Variants in SATB2 observed in about 807,000 individuals in gnomAD.
The protein encoded by SATB2 is SATB homeobox 2.
In SATB2, 1 loss-of-function variant was observed where a neutral mutation model predicts 73.4. The observed-to-expected ratio is 0.01, with a 90% CI of 0.00 to 0.06. The LOEUF (loss-of-function observed/expected upper bound fraction) is 0.06, where lower values mean the gene tolerates loss of function less well. Among genes scored for constraint, SATB2 ranks in the 10% least tolerant of loss-of-function variants. The pLI is 1.00. For missense variants in SATB2, 459 were observed against 945.8 expected (o/e 0.49, Z 6.75); for synonymous variants, 397 against 367.0 (o/e 1.08, Z -0.93).
chr2:199,323,777 A>G, intron 9 of SATB2, 26 bp downstream of exon 9: 1 of 1,612,038 alleles, frequency 6.2e-7, no homozygotes, highest in Admixed American at 1.7e-5. Flanking sequence ...CCAGCCCTCG[A>G]TTTTGCTTTT....
chr2:199,291,438 T>C (rs1692854722), intron 10 of SATB2, among the ~76,000 whole-genome samples: 1 of 152,244 alleles, frequency 6.6e-6, no homozygotes, highest in Non-Finnish European at 1.5e-5. Flanking sequence ...ATTTCATTTA[T>C]ACTTGCAGAA....
Position 199,308,278 on chromosome 2 carries a change from C to G in SATB2, c.1740+482G>C, listed in dbSNP as rs1014456472. ...ATTCTAAGAATCTGTCACAATCTGT[C>G]TCTCAAGGTTCAGCTGAGTTCAATG... is the stretch of plus-strand genomic sequence containing the variant. On this transcript the variant is annotated intron_variant, in intron 10 of 10. Transcript: ENST00000417098. The surrounding 1 kb of genome is among the most constrained non-coding windows in gnomAD (Gnocchi z 4.6). 1.4e-4 allele frequency among the ~76,000 whole-genome samples: 22 copies of G among 152,172 alleles called. No homozygotes were observed. The East Asian group carries it at 3.9e-3, about 27-fold the overall frequency.
chr2:199,443,166 T>A (rs1219201465), intron 2 of SATB2, among the ~76,000 whole-genome samples: 1 of 151,512 alleles, frequency 6.6e-6, no homozygotes, highest in African/African-American at 2.4e-5. Flanking sequence ...AAAAAAGGAG[T>A]CAATGAAAAT....
At chr2:199,382,723 C>A (rs905222864) in intron 3 of SATB2, among the ~76,000 whole-genome samples, 4 of 152,082 alleles carry the variant, frequency 2.6e-5, no homozygotes, top group African/African-American at 9.7e-5. Flanking sequence ...ACCCATTTCA[C>A]ATATGACACA....
chr2:199,347,863 A>G (rs932258693), intron 7 of SATB2: 4 of 152,148 alleles, frequency 2.6e-5, no homozygotes, highest in Non-Finnish European at 5.9e-5. Flanking sequence ...GTTTTTCTCA[A>G]CATGCGGCCC....
At chr2:199,279,186 C>A (rs956475803) in intron 10 of SATB2, among the ~76,000 whole-genome samples, 6 of 152,168 alleles carry the variant, frequency 3.9e-5, no homozygotes, top group South Asian at 2.1e-4. Flanking sequence ...ACATTAACTG[C>A]AAATGAAACC....
intron 7 of SATB2, among the ~76,000 whole-genome samples, chr2:199,341,014 T>C (rs1459329817): frequency 6.6e-6 from 1 of 152,218 alleles, no homozygotes; most frequent in Non-Finnish European, 1.5e-5. Context: ...TATGAAATCA[T>C]GCTTATTATA....
At position 199,457,144 on chromosome 2, in the gene SATB2, G is replaced by C. The variant is rs1161358585; in HGVS notation, c.-60+195C>G. 6.6e-6 allele frequency among the ~76,000 whole-genome samples: 1 copy of C among 152,230 alleles called. No homozygotes were observed. The highest frequency in any genetic ancestry group is 1.5e-5 in the Non-Finnish European group (1 of 68,030). ...GCGCCACGGGTCAAGGAGACAAGGT[G>C]GGGGTGGCAGGGGGAGGTGAAAGGA... On this transcript the variant is annotated intron_variant, in intron 1 of 10. Transcript: ENST00000417098. This position sits in a 1 kb window ranked among gnomAD's most constrained non-coding sequence, Gnocchi z 4.8.
chr2:199,455,833 CCG>C lies in SATB2; in HGVS notation c.169+34_169+35del. ...TGACACCCGGGCCATTATCACTGGG[CCG>C]CGGGCTGCGCGCCTCCCTGCTCCGG... On this transcript the variant is annotated intron_variant, in intron 2 of 10. Transcript: ENST00000417098. This position sits in a 1 kb window ranked among gnomAD's most constrained non-coding sequence, Gnocchi z 4.1. 1.3e-6 allele frequency: 2 copies of C among 1,533,440 alleles called. No homozygotes were observed. Among genetic ancestry groups the C allele is most frequent in the Non-Finnish European group, 1.7e-6 (2 of 1,145,814 alleles). The allele number at this position is 1,533,440 out of a possible 1,614,324, so 95.0% of individuals were successfully genotyped here.
rs767084945 is a variant in SATB2 at position 199,380,461 on chromosome 2, G to A, written c.500C>T (p.Ala167Val). ...QSCSKLEDLP[A>V]EQWNHATVRN... The stretch of plus-strand genomic sequence containing the variant: ...GACTGTGGCATGGTTCCACTGCTCC[G>A]CAGGCAAGTCTTCCAACTTTGAACA... The change falls in exon 5 of 11, where the codon GCG (alanine) becomes GTG (valine). Residue 167 changes from alanine to valine, a missense_variant. By Grantham distance (64) the Ala-to-Val change is moderately conservative. Around this residue, in one of 13 missense-constraint regions of SATB2, gnomAD observed 56 missense variants for 183.7 expected, o/e 0.30. Coordinates refer to ENST00000417098, the MANE Select transcript of SATB2 (RefSeq NM_001172509.2). 2.2e-5 allele frequency: 36 copies of A among 1,613,600 alleles called. No homozygotes were observed. Among genetic ancestry groups the A allele is most frequent in the African/African-American group, 1.3e-5 (1 of 74,918 alleles).
intron 3 of SATB2, among the ~76,000 whole-genome samples, chr2:199,409,248 C>G (rs1319350054): frequency 1.4e-5 from 2 of 147,624 alleles, no homozygotes; most frequent in Admixed American, 7.0e-5. Flanking sequence ...CAGCTCACCA[C>G]AACCTCCGCC....
intron 3 of SATB2, among the ~76,000 whole-genome samples, chr2:199,418,191 C>G (rs1691052082): frequency 6.6e-6 from 1 of 152,066 alleles, no homozygotes; most frequent in Non-Finnish European, 1.5e-5. Context: ...TAATTACTAC[C>G]CTGATTTCAT....
chr2:199,419,446 A>C (rs1691098575), intron 3 of SATB2, among the ~76,000 whole-genome samples: 1 of 152,250 alleles, frequency 6.6e-6, no homozygotes, highest in Admixed American at 6.5e-5. Context: ...CTAAGGAGTA[A>C]GTTTATGCTA....
rs550495884 is a variant in SATB2 at position 199,400,039 on chromosome 2, G to A, written c.347-18219C>T. Among the ~76,000 whole-genome samples the A allele has an allele frequency of 2.6e-5, 4 of 152,284 alleles. No homozygotes were observed. The East Asian group carries it at 7.7e-4, about 29-fold the overall frequency. ...TCCAAAACTCATATTATCTTCCTCAGAACAAGGTACTTCTTATCCTCTGGA... is the reference window on the plus strand; with the variant it reads ...TCCAAAACTCATATTATCTTCCTCAAAACAAGGTACTTCTTATCCTCTGGA... On this transcript the variant is annotated intron_variant, in intron 3 of 10. Coordinates refer to ENST00000417098, the MANE Select transcript of SATB2 (RefSeq NM_001172509.2).
chr2:199,419,101 CCA>C (rs1378009124), intron 3 of SATB2, among the ~76,000 whole-genome samples: 3 of 152,142 alleles, frequency 2.0e-5, no homozygotes, highest in Non-Finnish European at 2.9e-5. Flanking sequence ...TATTTTGGTT[CCA>C]CACATTTCAA....
intron 2 of SATB2, among the ~76,000 whole-genome samples, chr2:199,450,219 A>C (rs918837569): frequency 6.6e-6 from 1 of 152,108 alleles, no homozygotes; most frequent in Non-Finnish European, 1.5e-5. Context: ...GTATTATATC[A>C]CTGCAAATTG....
chr2:199,324,035 G>A, intron 8 of SATB2, 77 bp from the exon 9 acceptor site: 1 of 1,526,234 alleles, frequency 6.6e-7, no homozygotes, highest in Non-Finnish European at 9.1e-7. Flanking sequence ...ATTATCAAAG[G>A]ATTTCAGTCA....
chr2:199,309,594 A>T (rs1559154460), intron 9 of SATB2, among the ~76,000 whole-genome samples: 2 of 152,224 alleles, frequency 1.3e-5, no homozygotes, highest in Non-Finnish European at 2.9e-5. Context: ...TCACACCTGC[A>T]AATGTCTGCT....
At chr2:199,465,427 T>C (rs1692574851), upstream of SATB2, among the ~76,000 whole-genome samples, 2 of 152,268 alleles carry the variant, frequency 1.3e-5, no homozygotes, top group African/African-American at 2.4e-5. Flanking sequence ...TAATTAACTT[T>C]CATTACATTC....
Sources: allele counts gnomAD v4.1 joint callset (sites outside exome capture counted in the v4.1 genomes callset), GRCh38; gene constraint gnomAD v4.1.1; regional missense constraint gnomAD v4.1.1; non-coding constraint Gnocchi (gnomAD v3.1); transcripts MANE v1.5; gene names NCBI Gene and HGNC (gene_info 2026-07-23, HGNC 2026-07-21).